Variants in SLC26A7 observed in about 807,000 individuals in gnomAD.
The protein encoded by SLC26A7 is solute carrier family 26 member 7.
In SLC26A7, 59 loss-of-function variants were observed where a neutral mutation model predicts 82.5. The observed-to-expected ratio is 0.72, with a 90% CI of 0.58 to 0.89. The LOEUF is 0.89. Ranked by LOEUF, SLC26A7 falls within the 40% of genes least tolerant of loss-of-function variation. The probability of loss-of-function intolerance (pLI) is 0.00; values close to 1 mark genes in which losing one functional copy is unlikely to be tolerated. For missense variants in SLC26A7, 820 were observed against 793.0 expected (o/e 1.03, Z -0.41); for synonymous variants, 271 against 274.3 (o/e 0.99, Z 0.12).
chr8:91,337,341 T>C (rs768377848), intron 6 of SLC26A7, among the ~76,000 whole-genome samples: 8 of 152,204 alleles, frequency 5.3e-5, no homozygotes, highest in Non-Finnish European at 1.2e-4. Context: ...TTTAAGTGGA[T>C]AATTGATGTG....
chr8:91,290,022 A>G (rs1811821731), intron 3 of SLC26A7, among the ~76,000 whole-genome samples: 2 of 152,224 alleles, frequency 1.3e-5, no homozygotes, highest in South Asian at 4.1e-4. Flanking sequence ...TAATGATTAT[A>G]GTGAGAACTA....
At chr8:91,283,162 C>T (rs1586360788) in intron 2 of SLC26A7, among the ~76,000 whole-genome samples, 1 of 152,148 alleles carries the variant, frequency 6.6e-6, no homozygotes, top group East Asian at 1.9e-4. Flanking sequence ...TATCTTTCCA[C>T]TCTCCTAATG....
At chr8:91,371,752 G>A (rs563604142) in intron 15 of SLC26A7, among the ~76,000 whole-genome samples, 1 of 152,036 alleles carries the variant, frequency 6.6e-6, no homozygotes, top group African/African-American at 2.4e-5. Context: ...CCCAGTAGTG[G>A]GATTGCTAGG....
chr8:91,380,704 C>T (rs1307189183), intron 15 of SLC26A7, among the ~76,000 whole-genome samples: 1 of 152,146 alleles, frequency 6.6e-6, no homozygotes, highest in African/African-American at 2.4e-5. Flanking sequence ...ACCATCTGTG[C>T]ATCCACCTTG....
At chr8:91,246,909 T>C (rs1007102757), upstream of SLC26A7, among the ~76,000 whole-genome samples, 1 of 152,196 alleles carries the variant, frequency 6.6e-6, no homozygotes, top group Non-Finnish European at 1.5e-5. Context: ...TATACATGTT[T>C]TGATTTTCTT....
At chr8:91,254,413 A>T (rs1563645216) in intron 2 of SLC26A7, among the ~76,000 whole-genome samples, 1 of 152,166 alleles carries the variant, frequency 6.6e-6, no homozygotes, top group Admixed American at 6.6e-5. Context: ...TATTTTGTTG[A>T]AATGCCTCAA....
rs530830724 is a variant in SLC26A7, at chr8:91,311,744, T to TA, written c.478-6469dup. ...AGAGGATTCTGTGGGCTTCAATATTTAAAGGGGAAAAGCAGGCTAGGGGAG... is the reference window on the plus strand; with the variant it reads ...AGAGGATTCTGTGGGCTTCAATATTTAAAAGGGGAAAAGCAGGCTAGGGGAG... On this transcript the variant is annotated intron_variant, in intron 4 of 18. Coordinates refer to ENST00000276609, the MANE Select transcript of SLC26A7 (RefSeq NM_052832.4). 1.8e-3 allele frequency among the ~76,000 whole-genome samples: 267 copies of TA among 152,212 alleles called. 2 individuals are homozygous for TA. Among genetic ancestry groups the TA allele is most frequent in the Middle Eastern group, 0.01 (3 of 294 alleles).
intron 4 of SLC26A7, among the ~76,000 whole-genome samples, chr8:91,313,747 C>T (rs1442063622): frequency 6.6e-6 from 1 of 152,126 alleles, no homozygotes; most frequent in African/African-American, 2.4e-5. Flanking sequence ...TGCAACAGTG[C>T]TGTGCCTAAC....
At chr8:91,209,521 C>T (rs1163466398) in exon 1 of SLC26A7, 1 of 152,114 alleles carries the variant, frequency 6.6e-6, no homozygotes, top group East Asian at 1.9e-4. Flanking sequence ...TGACTAATCT[C>T]CAAGCAATGT....
intron 2 of SLC26A7, among the ~76,000 whole-genome samples, chr8:91,219,703 T>A (rs1563632189): frequency 6.6e-6 from 1 of 152,260 alleles, no homozygotes; most frequent in African/African-American, 2.4e-5. Flanking sequence ...ACCATCCACA[T>A]CAGTTGAGAA....
chr8:91,234,183 C>T (rs558156190), intron 2 of SLC26A7, among the ~76,000 whole-genome samples: 13 of 152,166 alleles, frequency 8.5e-5, no homozygotes, highest in African/African-American at 2.6e-4. Context: ...GGATGACTAC[C>T]ATCTTTCTGT....
At chr8:91,383,410 T>G (rs917541945) in intron 15 of SLC26A7, among the ~76,000 whole-genome samples, 22 of 152,076 alleles carry the variant, frequency 1.4e-4, no homozygotes, top group Non-Finnish European at 3.2e-4. Context: ...TTTTGGGGAC[T>G]ACAGAATAGA....
intron 2 of SLC26A7, among the ~76,000 whole-genome samples, chr8:91,239,404 ATATATATGTATATG>A (rs1261706527): frequency 7.7e-4 from 79 of 102,130 alleles, no homozygotes; most frequent in East Asian, 7.2e-3. Flanking sequence ...AAATATATAT[ATATATATGTATATG>A]TATATATATG....
At chr8:91,242,897 A>G (rs948006364) in intron 2 of SLC26A7, among the ~76,000 whole-genome samples, 5 of 152,198 alleles carry the variant, frequency 3.3e-5, no homozygotes, top group African/African-American at 9.7e-5. Flanking sequence ...TAATAACAGA[A>G]TCATATTAAA....
chr8:91,330,314 C>T (rs1187898973), intron 5 of SLC26A7, among the ~76,000 whole-genome samples: 1 of 152,158 alleles, frequency 6.6e-6, no homozygotes, highest in Non-Finnish European at 1.5e-5. Context: ...CAACCTGATG[C>T]ACTGCCTTTA....
At chr8:91,308,387 A>G (rs1391343846) in intron 4 of SLC26A7, among the ~76,000 whole-genome samples, 7 of 149,206 alleles carry the variant, frequency 4.7e-5, no homozygotes, top group East Asian at 3.9e-4. Context: ...CTGAGCAGCC[A>G]TCACCGTCAT....
At chr8:91,260,381 T>C (rs1381232050) in intron 2 of SLC26A7, among the ~76,000 whole-genome samples, 4 of 152,062 alleles carry the variant, frequency 2.6e-5, no homozygotes, top group Admixed American at 2.6e-4. Context: ...TTGACACATG[T>C]CGATTATGGA....
intron 4 of SLC26A7, among the ~76,000 whole-genome samples, chr8:91,316,077 G>A (rs1812622333): frequency 6.6e-6 from 1 of 152,126 alleles, no homozygotes; most frequent in South Asian, 2.1e-4. Flanking sequence ...TTCAGGCTCA[G>A]AGCATTATTG....
intron 11 of SLC26A7, among the ~76,000 whole-genome samples, chr8:91,361,405 G>A (rs1814046287): frequency 6.6e-6 from 1 of 152,078 alleles, no homozygotes; most frequent in Non-Finnish European, 1.5e-5. Context: ...ATTGAAATAT[G>A]TTTTCAAAGA....
Sources: allele counts gnomAD v4.1 joint callset (sites outside exome capture counted in the v4.1 genomes callset), GRCh38; gene constraint gnomAD v4.1.1; transcripts MANE v1.5; gene names NCBI Gene and HGNC (gene_info 2026-07-23, HGNC 2026-07-21).